Variants in ANTXR1 observed in about 807,000 individuals in gnomAD.
ANTXR1 encodes the protein anthrax toxin receptor 1.
Under a neutral mutation model 78.1 loss-of-function variants are expected in ANTXR1, and 19 were observed. The observed-to-expected ratio is 0.24, with a 90% confidence interval of 0.17 to 0.36. The LOEUF (loss-of-function observed/expected upper bound fraction) is 0.36. ANTXR1 is among the 10% of genes least tolerant of loss of function. The probability of loss-of-function intolerance (pLI) is 1.00; values close to 1 mark genes in which losing one functional copy is unlikely to be tolerated. For synonymous variants in ANTXR1, 273 were observed against 260.5 expected (o/e 1.05, Z -0.46); for missense variants, 518 against 718.6 (o/e 0.72, Z 3.19).
intron 3 of ANTXR1, among the ~76,000 whole-genome samples, chr2:69,062,627 A>G (rs1035523444): frequency 1.3e-5 from 2 of 152,214 alleles, no homozygotes; most frequent in Admixed American, 6.5e-5. Context: ...ACACAAATCA[A>G]TATTATACCG....
chr2:69,067,552 G>T (rs928493172), intron 3 of ANTXR1, among the ~76,000 whole-genome samples: 5 of 148,512 alleles, frequency 3.4e-5, no homozygotes, highest in Admixed American at 1.4e-4. Context: ...TGTGACCAAA[G>T]AATTAGATCA....
chr2:69,230,228 G>T (rs890674550), intron 17 of ANTXR1, among the ~76,000 whole-genome samples: 28 of 151,800 alleles, frequency 1.8e-4, no homozygotes, highest in African/African-American at 6.8e-4. Flanking sequence ...AACATGCCAT[G>T]ATTTTATATA....
At chr2:69,175,595 G>T in intron 14 of ANTXR1, among the ~76,000 whole-genome samples, 1 of 152,168 alleles carries the variant, frequency 6.6e-6, no homozygotes, top group Non-Finnish European at 1.5e-5. Flanking sequence ...CTGCACTCTA[G>T]CCTGGGCAAC....
At chr2:69,202,003 C>T (rs935124330) in intron 17 of ANTXR1, among the ~76,000 whole-genome samples, 1 of 152,144 alleles carries the variant, frequency 6.6e-6, no homozygotes, top group Non-Finnish European at 1.5e-5. Context: ...AGACACCTCG[C>T]ATGCCTCACC....
intron 17 of ANTXR1, among the ~76,000 whole-genome samples, chr2:69,209,805 A>T (rs1047157768): frequency 3.3e-5 from 5 of 152,244 alleles, no homozygotes; most frequent in African/African-American, 1.2e-4. Flanking sequence ...GGAGATGGCC[A>T]TGCAGGCAGG....
At chr2:69,064,746 T>C (rs1670344385) in intron 3 of ANTXR1, among the ~76,000 whole-genome samples, 2 of 152,134 alleles carry the variant, frequency 1.3e-5, no homozygotes, top group South Asian at 4.1e-4. Flanking sequence ...TTACTAGAGA[T>C]AAAAAGTTAT....
intron 12 of ANTXR1, among the ~76,000 whole-genome samples, chr2:69,141,036 G>A (rs1016244264): frequency 2.6e-5 from 4 of 152,034 alleles, no homozygotes; most frequent in Non-Finnish European, 4.4e-5. Context: ...ATTTACCATT[G>A]GAAACTCCAC....
intron 13 of ANTXR1, among the ~76,000 whole-genome samples, chr2:69,167,260 G>A (rs1438034650): frequency 6.6e-6 from 1 of 152,174 alleles, no homozygotes; most frequent in African/African-American, 2.4e-5. Context: ...CATTAGCAGG[G>A]GTGCACTGGT....
intron 3 of ANTXR1, among the ~76,000 whole-genome samples, chr2:69,064,102 C>T (rs1670323303): frequency 6.6e-6 from 1 of 152,104 alleles, no homozygotes; most frequent in Non-Finnish European, 1.5e-5. Flanking sequence ...ATAAAATGAA[C>T]TAAAGATTCC....
At chr2:69,068,406 C>G (rs1346404112) in intron 3 of ANTXR1, among the ~76,000 whole-genome samples, 1 of 152,198 alleles carries the variant, frequency 6.6e-6, no homozygotes, top group African/African-American at 2.4e-5. Context: ...TCAAGTAAGA[C>G]TACTCTGAGC....
chr2:69,138,799 C>T (rs1047554030), intron 12 of ANTXR1, among the ~76,000 whole-genome samples: 2 of 152,150 alleles, frequency 1.3e-5, no homozygotes, highest in Non-Finnish European at 2.9e-5. Context: ...TGAAATATTA[C>T]TGAGTTTCTT....
intron 3 of ANTXR1, among the ~76,000 whole-genome samples, chr2:69,067,448 T>C (rs76335418): frequency 1.1e-5 from 1 of 93,854 alleles, no homozygotes; most frequent in African/African-American, 8.5e-5. Flanking sequence ...AAGAAGCCTT[T>C]TTTTTTTTTT....
Position 69,013,179 on chromosome 2 carries a change from A to G in ANTXR1, c.-321A>G, listed in dbSNP as rs1016709000. 4 of 208,988 alleles carry G rather than the reference A, an allele frequency of 1.9e-5. No individual in the cohort carries two copies. Among genetic ancestry groups the G allele is most frequent in the Non-Finnish European group, 3.8e-5 (4 of 104,800 alleles). The allele number at this position is 208,988 out of a possible 1,614,324, so 12.9% of individuals were successfully genotyped here. The stretch of plus-strand genomic sequence containing the variant: ...AAATCTGGGACAAAGAACCGTCGGG[A>G]CGGAACTCCTTCCATTGCAAAAGCT... On this transcript the variant is annotated 5_prime_UTR_variant, in exon 1 of 18. Transcript: ENST00000303714. This position sits in a 1 kb window ranked among gnomAD's most constrained non-coding sequence, Gnocchi z 5.0.
At chr2:69,143,341 G>A (rs1673124313) in intron 12 of ANTXR1, among the ~76,000 whole-genome samples, 1 of 152,132 alleles carries the variant, frequency 6.6e-6, no homozygotes, top group Non-Finnish European at 1.5e-5. Flanking sequence ...AAGGAAGAGA[G>A]GGAGGAAAAG....
chr2:69,128,379 C>G (rs78941740), intron 12 of ANTXR1, among the ~76,000 whole-genome samples: 9,183 of 152,168 alleles, frequency 0.06, 354 homozygotes, highest in Middle Eastern at 0.082. Context: ...AGTAAGTGCT[C>G]AGTAATTATT....
chr2:69,213,825 G>A (rs1231294923), intron 17 of ANTXR1, among the ~76,000 whole-genome samples: 1 of 152,256 alleles, frequency 6.6e-6, no homozygotes, highest in East Asian at 1.9e-4. Flanking sequence ...TGGACGCCAG[G>A]AGGCCTGGGT....
intron 10 of ANTXR1, among the ~76,000 whole-genome samples, chr2:69,117,814 T>C (rs1672199506): frequency 6.6e-6 from 1 of 152,184 alleles, no homozygotes; most frequent in African/African-American, 2.4e-5. Context: ...TGTGTGTCCC[T>C]AGTCACACAC....
At chr2:69,120,101 C>T (rs929263840) in intron 10 of ANTXR1, among the ~76,000 whole-genome samples, 2 of 152,222 alleles carry the variant, frequency 1.3e-5, no homozygotes, top group African/African-American at 4.8e-5. Context: ...TTAGCCTCGC[C>T]TACCTTAAAC....
chr2:69,170,100 C>A, intron 13 of ANTXR1, 148 bp from the exon 14 acceptor site: 2 of 791,358 alleles, frequency 2.5e-6, no homozygotes, highest in South Asian at 2.9e-5. Flanking sequence ...AGCAAAGACA[C>A]CTCTCATGGC....
Sources: allele counts gnomAD v4.1 joint callset (sites outside exome capture counted in the v4.1 genomes callset), GRCh38; gene constraint gnomAD v4.1.1; non-coding constraint Gnocchi (gnomAD v3.1); transcripts MANE v1.5; gene names NCBI Gene and HGNC (gene_info 2026-07-23, HGNC 2026-07-21).